Variants in REPS2 observed in about 807,000 individuals in gnomAD.
The protein encoded by REPS2 is ralBP1-associated Eps domain-containing protein 2.
REPS2 carries 23 observed loss-of-function variants against 53.6 expected under a neutral mutation model. That is an observed-to-expected ratio of 0.43 (90% CI 0.31 to 0.61). The LOEUF (loss-of-function observed/expected upper bound fraction) is 0.61, where lower values mean the gene tolerates loss of function less well. REPS2 is among the 20% of genes least tolerant of loss of function. The pLI is 0.11. For missense variants in REPS2, 446 were observed against 534.9 expected, an observed-to-expected ratio of 0.83 and a Z score of 1.64; for synonymous variants, 238 against 218.6, an observed-to-expected ratio of 1.09 and a Z score of -0.78.
At chrX:17,100,505 C>T (rs1441929264) in intron 13 of REPS2, among the ~76,000 whole-genome samples, 3 of 112,210 alleles carry the variant, frequency 2.7e-5, no homozygotes, top group African/African-American at 6.5e-5. Context: ...TCCTCTCAGC[C>T]GAACAAAAGA....
chrX:17,072,497 A>C (rs1282969221), intron 11 of REPS2, among the ~76,000 whole-genome samples: 2 of 111,552 alleles, frequency 1.8e-5, no homozygotes, highest in Non-Finnish European at 3.8e-5. Flanking sequence ...TCTATCTCTT[A>C]CCAGCAGGGC....
chrX:17,067,264 G>A (rs2062237333), intron 9 of REPS2, among the ~76,000 whole-genome samples: 1 of 111,370 alleles, frequency 9.0e-6, no homozygotes, highest in African/African-American at 3.3e-5. Flanking sequence ...AATCTTATAG[G>A]CATTAGAGTG....
At chrX:17,058,919 T>C (rs2062113113) in intron 8 of REPS2, among the ~76,000 whole-genome samples, 1 of 111,842 alleles carries the variant, frequency 8.9e-6, no homozygotes, top group Non-Finnish European at 1.9e-5. Flanking sequence ...GTGCTTTTTT[T>C]GCTTTTCTTT....
At chrX:17,170,379 T>C in the REPS2 span, among the ~76,000 whole-genome samples, 29 of 112,726 alleles carry the variant, frequency 2.6e-4, no homozygotes, top group Non-Finnish European at 5.1e-4. Flanking sequence ...TTGTGGACAG[T>C]CCTACCATGC....
intron 17 of REPS2, among the ~76,000 whole-genome samples, chrX:17,145,173 A>T (rs776188616): frequency 2.7e-4 from 30 of 111,576 alleles, no homozygotes; most frequent in Non-Finnish European, 5.5e-4. Context: ...GACTTTGAAA[A>T]GTTGCTGTAT....
intron 17 of REPS2, 77 bp from the exon 18 acceptor site, chrX:17,147,336 A>T: frequency 1.2e-6 from 1 of 812,948 alleles, no homozygotes; most frequent in Non-Finnish European, 1.8e-6. Flanking sequence ...GTTTCCTTTT[A>T]AATCTGATGA....
chrX:17,054,094 A>G (rs1421169180), intron 7 of REPS2, among the ~76,000 whole-genome samples: 3 of 112,248 alleles, frequency 2.7e-5, no homozygotes, highest in South Asian at 3.6e-4. Flanking sequence ...TTTTGTGCTG[A>G]GTAAATAGGT....
At chrX:17,080,684 G>A (rs187395360) in intron 13 of REPS2, among the ~76,000 whole-genome samples, 1 of 112,179 alleles carries the variant, frequency 8.9e-6, no homozygotes, top group African/African-American at 3.2e-5. Flanking sequence ...ACTGCTTCAT[G>A]TTCATCTTTT....
At chrX:17,087,981 A>T (rs865970578) in intron 13 of REPS2, among the ~76,000 whole-genome samples, 1 of 98,358 alleles carries the variant, frequency 1.0e-5, no homozygotes. Context: ...TAGATAGATA[A>T]AGATACATAA....
At chrX:17,040,150 A>T (rs1336391458) in intron 5 of REPS2, among the ~76,000 whole-genome samples, 1 of 112,676 alleles carries the variant, frequency 8.9e-6, no homozygotes, top group Non-Finnish European at 1.9e-5. Flanking sequence ...ATTTTAACTA[A>T]CTTCTCTACA....
chrX:16,985,909 AAGTC>A (rs1217658959), intron 1 of REPS2, among the ~76,000 whole-genome samples: 2 of 111,823 alleles, frequency 1.8e-5, no homozygotes, highest in Admixed American at 1.9e-4. Context: ...TAAGATCTGA[AAGTC>A]AGGAAGCTGG....
chrX:17,119,885 T>C (rs1262042934), intron 14 of REPS2, among the ~76,000 whole-genome samples: 2 of 96,341 alleles, frequency 2.1e-5, no homozygotes, highest in Non-Finnish European at 4.1e-5. Flanking sequence ...TTTTTTTTTT[T>C]TTTTTTTTTG....
intron 1 of REPS2, among the ~76,000 whole-genome samples, chrX:16,989,440 G>A (rs2061134820): frequency 9.0e-6 from 1 of 111,612 alleles, no homozygotes; most frequent in African/African-American, 3.3e-5. Flanking sequence ...TGATAAATTG[G>A]ATTTCATCAA....
the REPS2 span, among the ~76,000 whole-genome samples, chrX:17,167,319 A>G: frequency 8.9e-6 from 1 of 111,750 alleles, no homozygotes; most frequent in African/African-American, 3.3e-5. Context: ...AAGCATGCAT[A>G]TTATATCTAT....
At chrX:17,049,981 A>G (rs1296484664) in intron 6 of REPS2, among the ~76,000 whole-genome samples, 2 of 106,270 alleles carry the variant, frequency 1.9e-5, no homozygotes, top group Non-Finnish European at 3.8e-5. Context: ...CTAGGCCTTC[A>G]CAGTCACTCA....
intron 1 of REPS2, among the ~76,000 whole-genome samples, chrX:16,995,817 C>T (rs1461977397): frequency 8.9e-6 from 1 of 111,888 alleles, no homozygotes; most frequent in Non-Finnish European, 1.9e-5. Flanking sequence ...GCCCTTCCAC[C>T]CTGTTCATAA....
chrX:17,159,243 G>A, the REPS2 span, among the ~76,000 whole-genome samples: 1 of 111,550 alleles, frequency 9.0e-6, no homozygotes, highest in African/African-American at 3.3e-5. Flanking sequence ...GCTTCAATGA[G>A]GCAGAAGTCA....
intron 14 of REPS2, among the ~76,000 whole-genome samples, chrX:17,104,540 C>A (rs1271866365): frequency 3.6e-5 from 4 of 111,792 alleles, no homozygotes; most frequent in Admixed American, 2.8e-4. Flanking sequence ...GTTTCTACTT[C>A]ATTGTTCTGG....
chrX:17,069,916 G>A, intron 10 of REPS2, 24 bp from the exon 11 acceptor site: 1 of 1,007,096 alleles, frequency 9.9e-7, no homozygotes, highest in Non-Finnish European at 1.3e-6. Flanking sequence ...CTTTCTTTTT[G>A]CTTAAAAAAC....
Sources: allele counts gnomAD v4.1 joint callset (sites outside exome capture counted in the v4.1 genomes callset), GRCh38; gene constraint gnomAD v4.1.1; transcripts MANE v1.5; gene names NCBI Gene and HGNC (gene_info 2026-07-23, HGNC 2026-07-21).